Variants in PRELID2 observed in about 807,000 individuals in gnomAD.
PRELID2 encodes PRELI domain containing 2.
Under a neutral mutation model 28.4 loss-of-function variants are expected in PRELID2, and 25 were observed. That is an observed-to-expected ratio of 0.88 (90% CI 0.64 to 1.23). PRELID2 has a LOEUF of 1.23. Among genes scored for constraint, PRELID2 ranks in the 50% most tolerant of loss-of-function variants. PRELID2 has a pLI of 0.00. For synonymous variants in PRELID2, 76 were observed against 71.6 expected (o/e 1.06, Z -0.31); for missense variants, 201 against 214.4 (o/e 0.94, Z 0.39).
chr5:145,271,293 T>G, the PRELID2 span, among the ~76,000 whole-genome samples: 1 of 152,096 alleles, frequency 6.6e-6, no homozygotes, highest in African/African-American at 2.4e-5. Flanking sequence ...TGGAGTGCAG[T>G]AGCTCATTGC....
the PRELID2 span, among the ~76,000 whole-genome samples, chr5:145,287,113 G>T: frequency 6.6e-6 from 1 of 152,052 alleles, no homozygotes; most frequent in Non-Finnish European, 1.5e-5. Context: ...GTGATCTCCT[G>T]TTATCCATTG....
rs138565516 is a variant in PRELID2 at position 145,623,618 on chromosome 5, T to C, written n.70+141313A>G. Among the ~76,000 whole-genome samples the C allele has an allele frequency of 1.4e-4, 21 of 151,796 alleles. No homozygotes were observed. In the East Asian group the frequency reaches 3.9e-3, roughly 28 times the overall value. On this transcript the variant is annotated intron_variant and non_coding_transcript_variant, in intron 1 of 2. Coordinates refer to the PRELID2 transcript ENST00000510259. Reference sequence around the variant, plus strand: ...TGAGATAGACAGACAGATAGATAAATAGATAGGTAGGTAGATAGGTAGGTA... The same window carrying C: ...TGAGATAGACAGACAGATAGATAAACAGATAGGTAGGTAGATAGGTAGGTA...
chr5:145,772,660 A>T (rs1308850695), intron 5 of PRELID2, among the ~76,000 whole-genome samples: 1 of 152,210 alleles, frequency 6.6e-6, no homozygotes. Flanking sequence ...CTATCTGAAC[A>T]CTTCTCATTA....
the PRELID2 span, among the ~76,000 whole-genome samples, chr5:145,332,062 G>A: frequency 1.3e-5 from 2 of 152,156 alleles, no homozygotes; most frequent in Non-Finnish European, 2.9e-5. Context: ...ATTCTTGGTT[G>A]AAAATTCTTT....
intron 5 of PRELID2, among the ~76,000 whole-genome samples, chr5:145,791,283 C>T (rs1167134351): frequency 3.9e-5 from 6 of 152,170 alleles, no homozygotes; most frequent in South Asian, 4.1e-4. Flanking sequence ...CACCTTGACA[C>T]GTGGGGATTA....
intron 5 of PRELID2, among the ~76,000 whole-genome samples, chr5:145,776,854 T>C (rs1758441252): frequency 6.6e-6 from 1 of 152,246 alleles, no homozygotes; most frequent in Non-Finnish European, 1.5e-5. Context: ...CCTGCATGTA[T>C]TATTATCTCC....
chr5:145,814,815 A>G (rs1278777962), intron 4 of PRELID2, among the ~76,000 whole-genome samples: 1 of 152,178 alleles, frequency 6.6e-6, no homozygotes, highest in Non-Finnish European at 1.5e-5. Flanking sequence ...AATGTATCTC[A>G]AAAAAATTAA....
chr5:145,390,906 C>G, the PRELID2 span, among the ~76,000 whole-genome samples: 1 of 152,170 alleles, frequency 6.6e-6, no homozygotes, highest in African/African-American at 2.4e-5. Flanking sequence ...GCTACAGGCC[C>G]CATGCAAGTC....
rs118078327 is a variant in PRELID2 at position 145,724,938 on chromosome 5, T to A, written n.70+39993A>T. Among the ~76,000 whole-genome samples, 93 of 151,600 alleles carry A rather than the reference T, an allele frequency of 6.1e-4. No homozygotes were observed. In the East Asian group the frequency reaches 0.016, roughly 27 times the overall value. ...TTTAAATTTTTGTAGAAATGAGGTCTCACTATGTTACTTAGGCTGGTCTCA... is the reference window on the plus strand; with the variant it reads ...TTTAAATTTTTGTAGAAATGAGGTCACACTATGTTACTTAGGCTGGTCTCA... On this transcript the variant is annotated intron_variant and non_coding_transcript_variant, in intron 1 of 2. Transcript: ENST00000510259.
the PRELID2 span, among the ~76,000 whole-genome samples, chr5:145,334,771 G>GTTT: frequency 2.2e-5 from 3 of 134,990 alleles, no homozygotes; most frequent in Admixed American, 7.5e-5. Context: ...TTGTTTGTCA[G>GTTT]TTTTTTTTTT....
At chr5:145,575,420 G>A in intron 1 of PRELID2, among the ~76,000 whole-genome samples, 1 of 152,110 alleles carries the variant, frequency 6.6e-6, no homozygotes, top group East Asian at 1.9e-4. Context: ...TTATGTGCAG[G>A]ACACCGTGCC....
At chr5:145,510,644 T>C (rs1299916392) in intron 1 of PRELID2, among the ~76,000 whole-genome samples, 3 of 152,232 alleles carry the variant, frequency 2.0e-5, no homozygotes, top group African/African-American at 4.8e-5. Flanking sequence ...TGATGCTAGC[T>C]ATCTCCTGGA....
chr5:145,311,419 C>T, the PRELID2 span, among the ~76,000 whole-genome samples: 1 of 152,110 alleles, frequency 6.6e-6, no homozygotes, highest in Admixed American at 6.5e-5. Flanking sequence ...ACAAAGAAGC[C>T]TCACATTTTA....
In PRELID2 at chr5:145,688,333, C is replaced by T. The variant is rs141627093; in HGVS notation, n.70+76598G>A. Among the ~76,000 whole-genome samples, 19 of 152,264 alleles carry T rather than the reference C, an allele frequency of 1.2e-4. No homozygotes were observed. The East Asian group carries it at 2.9e-3, about 23-fold the overall frequency. On this transcript the variant is annotated intron_variant and non_coding_transcript_variant, in intron 1 of 2. Transcript: ENST00000510259. ...TAAAACCCTCGGTAGTCACTTAGGG[C>T]GTGACTTGCATCAGCAGTAATGGTA... is the stretch of plus-strand genomic sequence containing the variant.
At chr5:145,726,184 A>G (rs1372075628) in intron 1 of PRELID2, among the ~76,000 whole-genome samples, 1 of 145,714 alleles carries the variant, frequency 6.9e-6, no homozygotes, top group Non-Finnish European at 1.5e-5. Flanking sequence ...AGAAAGAAAG[A>G]GCAAAAGAGA....
intron 1 of PRELID2, among the ~76,000 whole-genome samples, chr5:145,723,345 T>A (rs1581099910): frequency 6.6e-6 from 1 of 152,106 alleles, no homozygotes; most frequent in African/African-American, 2.4e-5. Flanking sequence ...GTACCAAATA[T>A]CCTATTGGGT....
intron 2 of PRELID2, among the ~76,000 whole-genome samples, chr5:145,821,708 C>G (rs1754844318): frequency 6.6e-6 from 1 of 152,200 alleles, no homozygotes; most frequent in Non-Finnish European, 1.5e-5. Context: ...GCCATCTCAT[C>G]CAGTGTTTGC....
chr5:145,640,450 T>C (rs933959864), intron 1 of PRELID2, among the ~76,000 whole-genome samples: 1 of 131,310 alleles, frequency 7.6e-6, no homozygotes, highest in African/African-American at 3.0e-5. Flanking sequence ...CACTCCAGCC[T>C]GGGCGACAGA....
At chr5:145,451,270 G>T in the PRELID2 span, among the ~76,000 whole-genome samples, 1 of 152,074 alleles carries the variant, frequency 6.6e-6, no homozygotes, top group African/African-American at 2.4e-5. Context: ...ATTCACACAT[G>T]TGTCCTCACC....
Sources: allele counts gnomAD v4.1 joint callset (sites outside exome capture counted in the v4.1 genomes callset), GRCh38; gene constraint gnomAD v4.1.1; transcripts MANE v1.5; gene names NCBI Gene and HGNC (gene_info 2026-07-23, HGNC 2026-07-21).